Variants in UST observed in about 807,000 individuals in gnomAD.
UST encodes uronyl 2-sulfotransferase, also known as chondroitin sulfate 2-O-sulfotransferase.
In UST, 21 loss-of-function variants were observed where a neutral mutation model predicts 45.6. That is an observed-to-expected ratio of 0.46 (90% CI 0.33 to 0.66). The LOEUF (loss-of-function observed/expected upper bound fraction) is 0.66, where lower values mean the gene tolerates loss of function less well. Ranked by LOEUF, UST falls within the 30% of genes least tolerant of loss-of-function variation. The pLI is 0.02. For missense variants in UST, 463 were observed against 512.4 expected (o/e 0.90, Z 0.93); for synonymous variants, 215 against 200.6 (o/e 1.07, Z -0.61).
At chr6:148,974,945 C>T (rs1447478353) in intron 5 of UST, among the ~76,000 whole-genome samples, 1 of 152,230 alleles carries the variant, frequency 6.6e-6, no homozygotes, top group African/African-American at 2.4e-5. Context: ...TCACTCACTT[C>T]CGGGTTTTGT....
chr6:148,986,219 T>A (rs1166715554), intron 5 of UST, among the ~76,000 whole-genome samples: 1 of 152,194 alleles, frequency 6.6e-6, no homozygotes. Flanking sequence ...GCTGGGACCA[T>A]TGGTTACTTA....
intron 7 of UST, among the ~76,000 whole-genome samples, chr6:149,049,927 T>A (rs796589976): frequency 0.35 from 44,326 of 128,090 alleles, 7,215 homozygotes; most frequent in Non-Finnish European, 0.37. Flanking sequence ...TCTCTCTCTC[T>A]CTCTCACACA....
At chr6:149,064,804 C>G (rs1776708758) in intron 7 of UST, among the ~76,000 whole-genome samples, 1 of 152,060 alleles carries the variant, frequency 6.6e-6, no homozygotes, top group Non-Finnish European at 1.5e-5. Context: ...CACTTGGCTC[C>G]AGAAGAATGT....
At chr6:148,942,025 T>A (rs1315324294) in intron 3 of UST, among the ~76,000 whole-genome samples, 1 of 152,132 alleles carries the variant, frequency 6.6e-6, no homozygotes, top group African/African-American at 2.4e-5. Flanking sequence ...TGCTGTCCTC[T>A]ACCAAGAAGC....
chr6:148,747,466 G>C lies in UST; in HGVS notation c.36G>C (p.Ala12=). The C allele has an allele frequency of 6.9e-7, 1 of 1,439,566 alleles. No individual in the cohort carries two copies. Among genetic ancestry groups the C allele is most frequent in the Non-Finnish European group, 9.1e-7 (1 of 1,094,438 alleles). The allele number at this position is 1,439,566 out of a possible 1,614,324, so 89.2% of individuals were successfully genotyped here. The change falls in exon 1 of 8, where the codon GCG becomes GCC. Residue 12 remains alanine (A), a synonymous_variant. Coordinates refer to ENST00000367463, the MANE Select transcript of UST (RefSeq NM_005715.3). ...KKKQQHPGGG[A]DPWPHGAPMG... The stretch of plus-strand genomic sequence containing the variant: ...AGCAGCAGCATCCCGGCGGCGGCGC[G>C]GATCCCTGGCCCCATGGGGCCCCTA...
intron 7 of UST, among the ~76,000 whole-genome samples, chr6:149,040,558 G>C (rs1340867014): frequency 6.6e-6 from 1 of 152,204 alleles, no homozygotes; most frequent in Non-Finnish European, 1.5e-5. Flanking sequence ...GGGAGGCTGA[G>C]GCAGGATTAT....
intron 3 of UST, among the ~76,000 whole-genome samples, chr6:148,946,154 T>G (rs755332376): frequency 6.6e-6 from 1 of 152,146 alleles, no homozygotes; most frequent in Admixed American, 6.5e-5. Flanking sequence ...AAAATCATGT[T>G]AAGTTTGTAA....
At chr6:149,040,656 A>G (rs1335157770) in intron 7 of UST, among the ~76,000 whole-genome samples, 1 of 152,200 alleles carries the variant, frequency 6.6e-6, no homozygotes, top group Non-Finnish European at 1.5e-5. Flanking sequence ...ACTCCTTCTC[A>G]ATTAATTAGT....
intron 2 of UST, among the ~76,000 whole-genome samples, chr6:148,914,395 T>G (rs6899804): frequency 0.011 from 1,004 of 92,532 alleles, no homozygotes; most frequent in East Asian, 0.019. Flanking sequence ...TTCCATAGAT[T>G]GGGGGGTGGG....
intron 1 of UST, among the ~76,000 whole-genome samples, chr6:148,811,757 A>G (rs2114730843): frequency 6.6e-6 from 1 of 152,330 alleles, no homozygotes; most frequent in East Asian, 1.9e-4. Context: ...AACCAGGCAG[A>G]AGCTGTAGGA....
intron 5 of UST, among the ~76,000 whole-genome samples, chr6:148,989,226 G>A (rs901224857): frequency 1.5e-4 from 10 of 67,152 alleles, no homozygotes; most frequent in Admixed American, 9.4e-4. Context: ...CCCACCCCCC[G>A]CAAATGAAAA....
chr6:148,765,583 C>T (rs981980238), intron 1 of UST, among the ~76,000 whole-genome samples: 2 of 152,120 alleles, frequency 1.3e-5, no homozygotes, highest in African/African-American at 4.8e-5. Context: ...CCTGAGGTGA[C>T]ATACATCCTC....
chr6:149,065,403 C>T (rs1468360042), intron 7 of UST, among the ~76,000 whole-genome samples: 1 of 152,194 alleles, frequency 6.6e-6, no homozygotes, highest in East Asian at 1.9e-4. Context: ...GATTATCGTA[C>T]AGCAAGACAC....
In UST at chr6:149,009,170, A is replaced by G. The variant is rs530358053; in HGVS notation, c.682-9969A>G. ...AGGATGCTGTAAGAAGAAAATCAGC[A>G]TGCATCAAGAAAGAACGCTTAGACA... is the stretch of plus-strand genomic sequence containing the variant. On this transcript the variant is annotated intron_variant, in intron 5 of 7. Transcript: ENST00000367463. 9.8e-5 allele frequency among the ~76,000 whole-genome samples: 15 copies of G among 152,368 alleles called. No homozygotes were observed. In the South Asian group the frequency reaches 2.3e-3, roughly 23 times the overall value.
chr6:149,036,882 G>C (rs969755289), intron 7 of UST, among the ~76,000 whole-genome samples: 5 of 152,178 alleles, frequency 3.3e-5, no homozygotes, highest in Non-Finnish European at 7.3e-5. Flanking sequence ...ACAAATCAGG[G>C]CTGTACTGGA....
At chr6:148,993,919 T>C (rs1173188026) in intron 5 of UST, among the ~76,000 whole-genome samples, 3 of 151,686 alleles carry the variant, frequency 2.0e-5, no homozygotes, top group East Asian at 1.9e-4. Flanking sequence ...TTAAACCTCT[T>C]TTCCTTATAA....
intron 2 of UST, among the ~76,000 whole-genome samples, chr6:148,902,894 CTTG>C (rs931402301): frequency 7.2e-5 from 11 of 151,958 alleles, no homozygotes; most frequent in South Asian, 4.1e-4. Flanking sequence ...TTTACAAGAG[CTTG>C]TTGTTGTTGT....
intron 1 of UST, among the ~76,000 whole-genome samples, chr6:148,758,838 C>G (rs534707229): frequency 6.6e-6 from 1 of 152,214 alleles, no homozygotes; most frequent in African/African-American, 2.4e-5. Context: ...TACATTATTT[C>G]GTAGAAAGTT....
intron 2 of UST, among the ~76,000 whole-genome samples, chr6:148,928,883 T>C (rs1779870243): frequency 6.6e-6 from 1 of 152,212 alleles, no homozygotes; most frequent in Non-Finnish European, 1.5e-5. Context: ...TAATTCTCTA[T>C]CTCATTTCAG....
Sources: gnomAD v4.1 joint callset for allele counts (sites outside exome capture counted in the v4.1 genomes callset) on GRCh38, gnomAD v4.1.1 for gene constraint, MANE v1.5 for transcripts, NCBI Gene and HGNC (gene_info 2026-07-23, HGNC 2026-07-21) for gene names.